The following MYO18B variants were observed in gnomAD, a reference collection of about 807,000 sequenced individuals.
The protein encoded by MYO18B is unconventional myosin-XVIIIb.
MYO18B carries 204 observed loss-of-function variants against 273.0 expected under a neutral mutation model. The ratio of observed to expected loss-of-function variants is 0.75; its 90% CI spans 0.67 to 0.84. The LOEUF (loss-of-function observed/expected upper bound fraction) is 0.84, where lower values mean the gene tolerates loss of function less well. MYO18B is among the 40% of genes least tolerant of loss of function. MYO18B has a pLI of 0.00. For synonymous variants in MYO18B, 1,330 were observed against 1,305.7 expected, an observed-to-expected ratio of 1.02 and a Z score of -0.40; for missense variants, 3,212 against 3,287.6, an observed-to-expected ratio of 0.98 and a Z score of 0.56.
In MYO18B at chr22:26,014,042, G is replaced by A. The variant is rs145150114; in HGVS notation, c.6470+9187G>A. 3.3e-5 allele frequency among the ~76,000 whole-genome samples: 5 copies of A among 152,130 alleles called. No homozygotes were observed. In the East Asian group the frequency reaches 9.7e-4, roughly 29 times the overall value. ...TATAATGTTTTCCTTTATGGTTGGT[G>A]CTCTTTATATACTGTTGAAAAATTA... On this transcript the variant is annotated intron_variant, in intron 42 of 43. Coordinates refer to ENST00000335473, the MANE Select transcript of MYO18B (RefSeq NM_032608.7).
At chr22:25,917,926 ATAT>A (rs2092287254) in intron 33 of MYO18B, among the ~76,000 whole-genome samples, 3 of 152,216 alleles carry the variant, frequency 2.0e-5, no homozygotes, top group African/African-American at 4.8e-5. Context: ...TGTGGGATAG[ATAT>A]TATTATTTCC....
intron 40 of MYO18B, among the ~76,000 whole-genome samples, chr22:25,995,727 G>C (rs1458162808): frequency 6.6e-6 from 1 of 152,088 alleles, no homozygotes; most frequent in Non-Finnish European, 1.5e-5. Flanking sequence ...ATCCTAATAA[G>C]AGACACCTTT....
intron 1 of MYO18B, among the ~76,000 whole-genome samples, chr22:25,753,410 T>TC (rs2086005171): frequency 6.6e-6 from 1 of 152,098 alleles, no homozygotes; most frequent in South Asian, 2.1e-4. Context: ...CAGTCAGCTC[T>TC]TTGTAAAACG....
chr22:25,983,531 G>T (rs981419198), intron 39 of MYO18B: 6 of 152,136 alleles, frequency 3.9e-5, no homozygotes, highest in Non-Finnish European at 7.3e-5. Flanking sequence ...AATGATCCTG[G>T]ATCCTTCAGA....
At chr22:25,798,847 G>A (rs565552129) in intron 12 of MYO18B, among the ~76,000 whole-genome samples, 11 of 152,150 alleles carry the variant, frequency 7.2e-5, no homozygotes, top group South Asian at 2.1e-4. Flanking sequence ...TTACAGGCAT[G>A]AGCCACTGTG....
At chr22:25,868,641 G>T (rs575927569) in intron 22 of MYO18B, among the ~76,000 whole-genome samples, 2 of 152,276 alleles carry the variant, frequency 1.3e-5, no homozygotes, top group African/African-American at 4.8e-5. Flanking sequence ...TGGTTTGGAG[G>T]AATTAGCATT....
chr22:25,950,428 A>G lies in MYO18B; in HGVS notation c.5810A>G (p.Glu1937Gly). The G allele has an allele frequency of 1.9e-6, 3 of 1,607,518 alleles. No individual in the cohort carries two copies. Among genetic ancestry groups the G allele is most frequent in the Non-Finnish European group, 2.5e-6 (3 of 1,176,876 alleles). The change falls in exon 37 of 44, where the codon GAG becomes GGG. Residue 1937 changes from glutamate to glycine, a missense_variant. Transcript: ENST00000335473. ...LQLQLEEAKKEKHKLQEQLQV... is the reference protein window; with the variant it reads ...LQLQLEEAKKGKHKLQEQLQV... ...CTGCAGCTGGAGGAAGCCAAGAAGG[A>G]GAAGCACAAGCTACAAGAACAAGTA...
At chr22:25,835,145 G>C in intron 16 of MYO18B, 151 bp from the exon 17 acceptor site, 1 of 862,888 alleles carries the variant, frequency 1.2e-6, no homozygotes. Flanking sequence ...GAGAGTCTGG[G>C]GTGATTGGGA....
Position 25,874,989 on chromosome 22 carries a change from T to C in MYO18B, c.4080+575T>C, listed in dbSNP as rs188445130. Among the ~76,000 whole-genome samples, 3 of 152,370 alleles carry C rather than the reference T, an allele frequency of 2.0e-5. No homozygotes were observed. In the East Asian group the frequency reaches 5.8e-4, roughly 29 times the overall value. On this transcript the variant is annotated intron_variant, in intron 23 of 43. Transcript: ENST00000335473. Reference sequence around the variant, plus strand: ...TAGTAATTGCTCAATAAACTCTAGCTGCTATTACCTTAGAATTGTTATTCT... The same window carrying C: ...TAGTAATTGCTCAATAAACTCTAGCCGCTATTACCTTAGAATTGTTATTCT...
At chr22:26,040,537 G>C in the MYO18B span, among the ~76,000 whole-genome samples, 1 of 152,194 alleles carries the variant, frequency 6.6e-6, no homozygotes, top group African/African-American at 2.4e-5. Context: ...TGAAAGCCTG[G>C]AGGAGGAAAA....
At chr22:25,827,016 C>A (rs9624910) in intron 14 of MYO18B, among the ~76,000 whole-genome samples, 1 of 152,004 alleles carries the variant, frequency 6.6e-6, no homozygotes, top group African/African-American at 2.4e-5. Flanking sequence ...GAGCCGAGAT[C>A]GCGCCACCAC....
intron 19 of MYO18B, 27 bp from the exon 20 acceptor site, chr22:25,847,403 G>T (rs777612847): frequency 6.5e-7 from 1 of 1,542,306 alleles, no homozygotes; most frequent in Non-Finnish European, 8.8e-7. Flanking sequence ...GAGACAACTG[G>T]CCCTGACCTC....
intron 33 of MYO18B, among the ~76,000 whole-genome samples, chr22:25,913,081 G>A (rs1010183622): frequency 5.9e-5 from 9 of 152,094 alleles, no homozygotes; most frequent in South Asian, 2.1e-4. Context: ...TGTGCACACG[G>A]GCGAGTGTCT....
At position 25,929,655 on chromosome 22, in the gene MYO18B, G is replaced by A. The variant is rs540795265; in HGVS notation, c.5517+8246G>A. On this transcript the variant is annotated intron_variant, in intron 34 of 43. Transcript: ENST00000335473. ...AGGATTTGCACTGAACTCTTTAGTC[G>A]TTTACTTAATTCATGCTGGGGGCTG... is the stretch of plus-strand genomic sequence containing the variant. Among the ~76,000 whole-genome samples the A allele has an allele frequency of 1.6e-4, 24 of 152,184 alleles. 1 individual carries two copies. Among genetic ancestry groups the A allele is most frequent in the African/African-American group, 5.3e-4 (22 of 41,528 alleles).
At chr22:25,997,969 ACACACACAC>A (rs1196405627) in intron 40 of MYO18B, among the ~76,000 whole-genome samples, 8 of 125,666 alleles carry the variant, frequency 6.4e-5, no homozygotes, top group Admixed American at 6.0e-4. Flanking sequence ...ACACACACAC[ACACACACAC>A]GAGAGAGAGA....
chr22:25,867,757 G>C (rs1375492184), intron 21 of MYO18B, among the ~76,000 whole-genome samples: 1 of 152,096 alleles, frequency 6.6e-6, no homozygotes, highest in Non-Finnish European at 1.5e-5. Flanking sequence ...AGCCTCCCGA[G>C]TAGCTGGGAC....
chr22:26,053,876 C>G, the MYO18B span, among the ~76,000 whole-genome samples: 1 of 152,096 alleles, frequency 6.6e-6, no homozygotes, highest in African/African-American at 2.4e-5. Flanking sequence ...TGTGAGAAAT[C>G]TTTGATGGGT....
intron 12 of MYO18B, among the ~76,000 whole-genome samples, chr22:25,822,464 A>T (rs2089318730): frequency 6.6e-6 from 1 of 152,206 alleles, no homozygotes; most frequent in Non-Finnish European, 1.5e-5. Flanking sequence ...GTCTGTTGTC[A>T]CACTCCCTCA....
chr22:25,938,992 C>G (rs1277382114), intron 34 of MYO18B, among the ~76,000 whole-genome samples: 2 of 152,114 alleles, frequency 1.3e-5, no homozygotes, highest in Non-Finnish European at 2.9e-5. Context: ...ATTTTTTGCT[C>G]TTTATAGAGA....
Sources: allele counts gnomAD v4.1 joint callset (sites outside exome capture counted in the v4.1 genomes callset), GRCh38; gene constraint gnomAD v4.1.1; transcripts MANE v1.5; gene names NCBI Gene and HGNC (gene_info 2026-07-23, HGNC 2026-07-21).